ANK3: variants seen among roughly 807,000 people sequenced by gnomAD.
The protein encoded by ANK3 is ankyrin 3.
A neutral mutation model predicts 370.9 loss-of-function variants in ANK3; 57 were observed. The ratio of observed to expected loss-of-function variants is 0.15; its 90% CI spans 0.12 to 0.19. ANK3 has a LOEUF of 0.19. ANK3 is among the 10% of genes least tolerant of loss of function. ANK3 has a pLI of 1.00. For missense variants in ANK3, 4,439 were observed against 5,302.1 expected (o/e 0.84, Z 5.06); for synonymous variants, 1,929 against 1,946.3 (o/e 0.99, Z 0.23).
intron 25 of ANK3, among the ~76,000 whole-genome samples, chr10:60,118,421 T>C (rs1473935673): frequency 6.6e-6 from 1 of 152,168 alleles, no homozygotes; most frequent in Non-Finnish European, 1.5e-5. Flanking sequence ...ACACATCTAG[T>C]GAATGGGTGT....
chr10:60,041,864 G>A (rs1387556532), intron 43 of ANK3, among the ~76,000 whole-genome samples: 3 of 152,152 alleles, frequency 2.0e-5, no homozygotes, highest in Non-Finnish European at 4.4e-5. Flanking sequence ...ATTCTGGCAA[G>A]CAGGGAACAG....
chr10:60,295,806 T>C (rs1242111527), intron 1 of ANK3, among the ~76,000 whole-genome samples: 1 of 152,244 alleles, frequency 6.6e-6, no homozygotes, highest in Non-Finnish European at 1.5e-5. Context: ...GCAATCTTGT[T>C]ACATGCTAAC....
At chr10:60,275,228 C>T (rs896769666) in intron 4 of ANK3, among the ~76,000 whole-genome samples, 1 of 152,184 alleles carries the variant, frequency 6.6e-6, no homozygotes, top group Admixed American at 6.5e-5. Flanking sequence ...TAAGATGGAA[C>T]GAGTATGCTG....
At chr10:60,082,397 CCAG>C in intron 34 of ANK3, 1 of 700,190 alleles carries the variant, frequency 1.4e-6, no homozygotes, top group South Asian at 2.1e-5. Context: ...CTATGCGCTA[CCAG>C]CAGAAGCAAA....
chr10:60,462,154 A>G (rs2064901403), intron 2 of ANK3, among the ~76,000 whole-genome samples: 1 of 152,114 alleles, frequency 6.6e-6, no homozygotes, highest in African/African-American at 2.4e-5. Flanking sequence ...CCAGGGTCCT[A>G]TATTCTAGAT....
chr10:60,176,221 C>T (rs1430638444), intron 18 of ANK3, among the ~76,000 whole-genome samples: 5 of 150,752 alleles, frequency 3.3e-5, no homozygotes, highest in South Asian at 2.1e-4. Flanking sequence ...AACAATTAGC[C>T]GGGCGTGGTG....
In ANK3 at chr10:60,205,869, T is replaced by C. The variant is rs774348110; in HGVS notation, c.1216A>G (p.Ile406Val). The change falls in exon 11 of 44, where the codon ATT (isoleucine) becomes GTT (valine). Residue 406 changes from isoleucine to valine, a missense_variant. Transcript: ENST00000280772. ...TTAATTCGATTCTTCTTGCAGGCAA[T>C]ATGAAGAGGGGTAAAGCCATTCTGC... ...KALNGFTPLH[I>V]ACKKNRIKVM... 2 of 1,612,912 alleles carry C rather than the reference T, an allele frequency of 1.2e-6. No individual in the cohort carries two copies. Among genetic ancestry groups the C allele is most frequent in the Non-Finnish European group, 1.7e-6 (2 of 1,179,004 alleles).
chr10:60,204,869 C>T (rs762625404), intron 11 of ANK3, among the ~76,000 whole-genome samples: 10 of 151,960 alleles, frequency 6.6e-5, no homozygotes, highest in African/African-American at 1.2e-4. Flanking sequence ...GGGGAGTGAG[C>T]GGGGGTTTCC....
Position 60,114,664 on chromosome 10 carries a change from A to AT in ANK3, c.2842-334dup, listed in dbSNP as rs527743149. ...TCAAATTAATCCTATAACAACTGTA[A>AT]TTTTTTTTCCCAATTCTCAAAATAA... On this transcript the variant is annotated intron_variant, in intron 25 of 43. Coordinates refer to ENST00000280772, the MANE Select transcript of ANK3 (RefSeq NM_020987.5). Among the ~76,000 whole-genome samples, 713 of 152,188 alleles carry AT rather than the reference A, an allele frequency of 4.7e-3. 5 individuals carry two copies. Among genetic ancestry groups the AT allele is most frequent in the African/African-American group, 0.016 (675 of 41,522 alleles).
intron 42 of ANK3, chr10:60,050,732 A>G (rs529025273): frequency 2.6e-4 from 40 of 152,250 alleles, no homozygotes; most frequent in African/African-American, 9.4e-4. Flanking sequence ...CGCAAAAGGT[A>G]AGTGCTTCAA....
chr10:60,384,928 T>G (rs1455140247), intron 1 of ANK3, among the ~76,000 whole-genome samples: 1 of 152,096 alleles, frequency 6.6e-6, no homozygotes, highest in Non-Finnish European at 1.5e-5. Flanking sequence ...ACACCCCCTC[T>G]CCACTGGCAT....
intron 2 of ANK3, among the ~76,000 whole-genome samples, chr10:60,481,972 G>C (rs1280699432): frequency 6.6e-6 from 1 of 152,208 alleles, no homozygotes; most frequent in African/African-American, 2.4e-5. Flanking sequence ...AGAAGCGTCA[G>C]TGGAGACTGC....
intron 1 of ANK3, among the ~76,000 whole-genome samples, chr10:60,353,281 C>T (rs753095940): frequency 6.6e-6 from 1 of 151,846 alleles, no homozygotes; most frequent in Admixed American, 6.6e-5. Context: ...GCATGAGCCA[C>T]GGTGCCTGGA....
At chr10:60,158,479 A>C (rs2095411086) in intron 23 of ANK3, among the ~76,000 whole-genome samples, 1 of 152,150 alleles carries the variant, frequency 6.6e-6, no homozygotes, top group Non-Finnish European at 1.5e-5. Flanking sequence ...AAAAGTGGGG[A>C]GGATGAAGTT....
intron 2 of ANK3, among the ~76,000 whole-genome samples, chr10:60,495,208 G>A (rs1473608122): frequency 6.6e-6 from 1 of 152,104 alleles, no homozygotes; most frequent in Non-Finnish European, 1.5e-5. Context: ...TATAAACCAA[G>A]ACTAAAATTT....
chr10:60,571,444 CAT>C (rs1248031033), intron 2 of ANK3, among the ~76,000 whole-genome samples: 2 of 152,138 alleles, frequency 1.3e-5, no homozygotes, highest in Non-Finnish European at 2.9e-5. Context: ...CTATAGCCAC[CAT>C]TCTGTATGTG....
At chr10:60,483,054 T>C (rs140624171) in intron 2 of ANK3, among the ~76,000 whole-genome samples, 1 of 152,322 alleles carries the variant, frequency 6.6e-6, no homozygotes, top group African/African-American at 2.4e-5. Flanking sequence ...GTTAGATACA[T>C]TATCTTGTTT....
chr10:60,361,592 G>T (rs2058617737), intron 1 of ANK3, among the ~76,000 whole-genome samples: 1 of 152,162 alleles, frequency 6.6e-6, no homozygotes, highest in African/African-American at 2.4e-5. Flanking sequence ...ACTTTATTCA[G>T]TAAGAAAGGA....
chr10:60,140,159 C>T (rs1306017373), intron 23 of ANK3: 2 of 608,662 alleles, frequency 3.3e-6, no homozygotes, highest in African/African-American at 3.8e-5. Context: ...AGCTTTTAAA[C>T]TACCAATCAA....
Sources: allele counts gnomAD v4.1 joint callset (sites outside exome capture counted in the v4.1 genomes callset), GRCh38; gene constraint gnomAD v4.1.1; transcripts MANE v1.5; gene names NCBI Gene and HGNC (gene_info 2026-07-23, HGNC 2026-07-21).